Variants in SCUBE1 observed in about 807,000 individuals in gnomAD.
SCUBE1 encodes the protein signal peptide, CUB and EGF-like domain-containing protein 1.
SCUBE1 carries 59 observed loss-of-function variants against 124.4 expected under a neutral mutation model. The ratio of observed to expected loss-of-function variants is 0.47; its 90% CI spans 0.38 to 0.59. The LOEUF (loss-of-function observed/expected upper bound fraction) is 0.59. SCUBE1 is among the 20% of genes least tolerant of loss of function. SCUBE1 has a pLI of 0.00. For synonymous variants in SCUBE1, 545 were observed against 550.9 expected (o/e 0.99, Z 0.15); for missense variants, 1,150 against 1,371.2 (o/e 0.84, Z 2.55).
chr22:43,275,480 G>A (rs1363451972), intron 4 of SCUBE1, among the ~76,000 whole-genome samples: 1 of 152,222 alleles, frequency 6.6e-6, no homozygotes, highest in Non-Finnish European at 1.5e-5. Flanking sequence ...TGTGTGAGAC[G>A]TGAGAAACAC....
Position 43,211,109 on chromosome 22 carries a change from G to A in SCUBE1, c.2222-26C>T. On this transcript the variant is annotated intron_variant, in intron 17 of 21. Coordinates refer to ENST00000360835, the MANE Select transcript of SCUBE1 (RefSeq NM_173050.5). This position sits in a 1 kb window ranked among gnomAD's most constrained non-coding sequence, Gnocchi z 4.5. ...CTGCCGGGGGACACAAGGCAGTGTG[G>A]TGGGTGTGGAGGGGTGCAGGGAAAG... The A allele has an allele frequency of 1.3e-6, 2 of 1,592,528 alleles. No individual in the cohort carries two copies. Among genetic ancestry groups the A allele is most frequent in the South Asian group, 1.1e-5 (1 of 88,944 alleles).
At position 43,210,920 on chromosome 22, in the gene SCUBE1, A is replaced by G. The variant is rs775766710; in HGVS notation, c.2383+2T>C. On this transcript the variant is annotated splice_donor_variant, in intron 18 of 21. Coordinates refer to ENST00000360835, the MANE Select transcript of SCUBE1 (RefSeq NM_173050.5). LOFTEE classifies it high-confidence loss of function. This position sits in a 1 kb window ranked among gnomAD's most constrained non-coding sequence, Gnocchi z 4.5. ...TTCCCACGGCAGAGCAGCAGCACCCACTTTTGCAGTGTGTGACGTTGGTGG... is the reference window on the plus strand; with the variant it reads ...TTCCCACGGCAGAGCAGCAGCACCCGCTTTTGCAGTGTGTGACGTTGGTGG... 6.2e-7 allele frequency: 1 copy of G among 1,611,880 alleles called. No individual in the cohort carries two copies. The highest frequency in any genetic ancestry group is 1.1e-5 in the South Asian group (1 of 91,044).
intron 1 of SCUBE1, among the ~76,000 whole-genome samples, chr22:43,341,081 G>GCA (rs34927467): frequency 0.018 from 2,496 of 142,430 alleles, 67 homozygotes; most frequent in African/African-American, 0.056. Flanking sequence ...TGACCCCCCT[G>GCA]CACACACACA....
At chr22:43,224,025 A>G (rs1384210618) in intron 10 of SCUBE1, among the ~76,000 whole-genome samples, 1 of 152,194 alleles carries the variant, frequency 6.6e-6, no homozygotes, top group East Asian at 1.9e-4. Context: ...TTGCTCCCTG[A>G]GCCTGCCTGA....
chr22:43,332,382 C>T (rs1926930475), intron 2 of SCUBE1, among the ~76,000 whole-genome samples: 1 of 152,206 alleles, frequency 6.6e-6, no homozygotes, highest in Admixed American at 6.5e-5. Flanking sequence ...ATGGTAGCTT[C>T]CAGCCCCTCC....
chr22:43,203,821 A>C lies in SCUBE1; in HGVS notation c.*176T>G. 1.6e-6 allele frequency: 1 copy of C among 612,426 alleles called. No individual in the cohort carries two copies. The highest frequency in any genetic ancestry group is 2.1e-5 in the South Asian group (1 of 47,520). The allele number at this position is 612,426 out of a possible 1,614,324, so 37.9% of individuals were successfully genotyped here. On this transcript the variant is annotated 3_prime_UTR_variant, in exon 22 of 22. Coordinates refer to ENST00000360835, the MANE Select transcript of SCUBE1 (RefSeq NM_173050.5). ...GCTTCCTGAAGCAGGGTGCTCCCAC[A>C]GGGGCAGCGGGTCCGAAGGGTGCCT...
Position 43,292,556 on chromosome 22 carries a change from AAC to A in SCUBE1, c.350-1378_350-1377del, listed in dbSNP as rs3985926. On this transcript the variant is annotated intron_variant, in intron 3 of 21. Transcript: ENST00000360835. The stretch of plus-strand genomic sequence containing the variant: ...TGCTTCTAGCCAATCCCCGGTCCCT[AAC>A]ACACACACACACACACACACACACA... 4.3e-3 allele frequency among the ~76,000 whole-genome samples: 599 copies of A among 139,650 alleles called. 3 individuals carry two copies. Among genetic ancestry groups the A allele is most frequent in the African/African-American group, 8.9e-3 (328 of 36,764 alleles). 91.6% of individuals were successfully genotyped at this position (139,650 alleles called of 152,430 possible).
intron 16 of SCUBE1, chr22:43,213,021 G>T (rs1162575830): frequency 4.5e-6 from 1 of 223,850 alleles, no homozygotes; most frequent in Non-Finnish European, 8.8e-6. Context: ...TACCAGCAGG[G>T]CCAGGCCAGA....
intron 4 of SCUBE1, among the ~76,000 whole-genome samples, chr22:43,273,561 CTTTTTTTT>C (rs1056252584): frequency 4.9e-5 from 3 of 60,950 alleles, no homozygotes; most frequent in Admixed American, 2.5e-4. Context: ...CTAAAACCCT[CTTTTTTTT>C]TTTTTTTTTT....
intron 6 of SCUBE1, among the ~76,000 whole-genome samples, chr22:43,243,520 G>A (rs1254435029): frequency 6.6e-6 from 1 of 152,240 alleles, no homozygotes; most frequent in Non-Finnish European, 1.5e-5. Context: ...GGGAAGCAGG[G>A]GCGAGGACAA....
chr22:43,245,196 C>T (rs1923158439), intron 6 of SCUBE1, among the ~76,000 whole-genome samples: 1 of 152,224 alleles, frequency 6.6e-6, no homozygotes, highest in African/African-American at 2.4e-5. Flanking sequence ...TGTGCAGCAG[C>T]CTTATGGCCA....
chr22:43,300,823 G>T (rs1194279022), intron 3 of SCUBE1, among the ~76,000 whole-genome samples: 1 of 151,780 alleles, frequency 6.6e-6, no homozygotes, highest in Admixed American at 6.6e-5. Flanking sequence ...ACTGTCCCTT[G>T]GCTACCTATC....
At chr22:43,229,595 A>G (rs549602560) in intron 8 of SCUBE1, among the ~76,000 whole-genome samples, 1 of 152,192 alleles carries the variant, frequency 6.6e-6, no homozygotes, top group Admixed American at 6.5e-5. Context: ...TTGGGACATA[A>G]ACCTAGGCCT....
intron 3 of SCUBE1, among the ~76,000 whole-genome samples, chr22:43,319,558 C>CGAAAAAA (rs1926470039): frequency 1.8e-5 from 1 of 55,214 alleles, no homozygotes; most frequent in African/African-American, 8.3e-5. Context: ...GACTCCATCT[C>CGAAAAAA]AAAAAAAAAA....
chr22:43,227,695 C>A (rs956346798), intron 9 of SCUBE1, among the ~76,000 whole-genome samples, 199 bp from the exon 10 acceptor site: 1 of 152,158 alleles, frequency 6.6e-6, no homozygotes, highest in African/African-American at 2.4e-5. Flanking sequence ...ACCCCAGCGT[C>A]CCTTCCCCCA....
At chr22:43,279,860 C>G (rs1351783984) in intron 4 of SCUBE1, among the ~76,000 whole-genome samples, 2 of 152,194 alleles carry the variant, frequency 1.3e-5, no homozygotes, top group Non-Finnish European at 2.9e-5. Flanking sequence ...GAGGCTTGGA[C>G]ATGTGGTCAC....
At chr22:43,237,007 A>C (rs958288192) in intron 7 of SCUBE1, among the ~76,000 whole-genome samples, 1 of 145,392 alleles carries the variant, frequency 6.9e-6, no homozygotes, top group Non-Finnish European at 1.5e-5. Flanking sequence ...CCACAGGCCC[A>C]GGGCTGGGCG....
rs574442585 is a variant in SCUBE1 at position 43,206,580 on chromosome 22, C to T, written c.2814+954G>A. On this transcript the variant is annotated intron_variant, in intron 21 of 21. Coordinates refer to ENST00000360835, the MANE Select transcript of SCUBE1 (RefSeq NM_173050.5). ...AAGGGTGTGCCCAGGTCAGGGGGTC[C>T]GGGCAGGCCGCCCAGAGTACGACAG... is the stretch of plus-strand genomic sequence containing the variant. Among the ~76,000 whole-genome samples, 9 of 151,994 alleles carry T rather than the reference C, an allele frequency of 5.9e-5. No individual in the cohort carries two copies. In the South Asian group the frequency reaches 1.5e-3, roughly 25 times the overall value.
At chr22:43,341,840 G>C (rs796168625) in intron 1 of SCUBE1, among the ~76,000 whole-genome samples, 4 of 152,106 alleles carry the variant, frequency 2.6e-5, no homozygotes, top group Non-Finnish European at 5.9e-5. Context: ...GGGCTTCCAC[G>C]GAGAGGGTCG....
Sources: allele counts gnomAD v4.1 joint callset (sites outside exome capture counted in the v4.1 genomes callset), GRCh38; gene constraint gnomAD v4.1.1; non-coding constraint Gnocchi (gnomAD v3.1); transcripts MANE v1.5; gene names NCBI Gene and HGNC (gene_info 2026-07-23, HGNC 2026-07-21).